Variants in OCA2 observed in about 807,000 individuals in gnomAD.
OCA2 encodes the protein OCA2 melanosomal transmembrane protein, also known as P protein.
OCA2 carries 77 observed loss-of-function variants against 100.2 expected under a neutral mutation model. The ratio of observed to expected loss-of-function variants is 0.77; its 90% confidence interval spans 0.64 to 0.93. The LOEUF (loss-of-function observed/expected upper bound fraction) is 0.93, where lower values mean the gene tolerates loss of function less well. OCA2 is among the 40% of genes least tolerant of loss of function. The pLI, the probability that OCA2 is intolerant of heterozygous loss-of-function variation, is 0.00. For missense variants in OCA2, 1,062 were observed against 1,089.1 expected (o/e 0.98, Z 0.35); for synonymous variants, 432 against 439.2 (o/e 0.98, Z 0.21).
chr15:28,021,805 A>G (rs1377454524), intron 6 of OCA2, among the ~76,000 whole-genome samples: 1 of 152,160 alleles, frequency 6.6e-6, no homozygotes, highest in Non-Finnish European at 1.5e-5. Flanking sequence ...ATGAGAAGGT[A>G]GGAGGGGAAA....
At chr15:28,001,048 C>A (rs2041909018) in intron 9 of OCA2, among the ~76,000 whole-genome samples, 1 of 152,084 alleles carries the variant, frequency 6.6e-6, no homozygotes, top group Non-Finnish European at 1.5e-5. Flanking sequence ...CAATATAGAA[C>A]TTTCACCAAA....
intron 19 of OCA2, among the ~76,000 whole-genome samples, chr15:27,904,035 A>G (rs1239131901): frequency 6.6e-6 from 1 of 152,208 alleles, no homozygotes; most frequent in Non-Finnish European, 1.5e-5. Flanking sequence ...TACATTTAAC[A>G]TGATGCCTGC....
At chr15:27,753,029 G>T (rs1595354922), downstream of OCA2, among the ~76,000 whole-genome samples, 1 of 152,102 alleles carries the variant, frequency 6.6e-6, no homozygotes, top group East Asian at 1.9e-4. Context: ...CATCCCTGTG[G>T]GATGATTCAC....
At chr15:27,741,793 A>G in the OCA2 span, among the ~76,000 whole-genome samples, 1 of 152,368 alleles carries the variant, frequency 6.6e-6, no homozygotes, top group South Asian at 2.1e-4. Flanking sequence ...GAGCTCAAGG[A>G]AAGTGTAACA....
At chr15:27,939,040 C>G (rs1040000134) in intron 18 of OCA2, among the ~76,000 whole-genome samples, 1 of 152,188 alleles carries the variant, frequency 6.6e-6, no homozygotes, top group Non-Finnish European at 1.5e-5. Context: ...CCAACCAGAG[C>G]TTAACTGAAC....
chr15:27,770,142 CA>C (rs1161733247), intron 23 of OCA2, among the ~76,000 whole-genome samples: 5 of 152,226 alleles, frequency 3.3e-5, no homozygotes, highest in Admixed American at 6.5e-5. Flanking sequence ...GGTTCCATAA[CA>C]AAGTCTCGGT....
chr15:27,876,839 C>T (rs2036812612), intron 19 of OCA2, among the ~76,000 whole-genome samples: 1 of 151,712 alleles, frequency 6.6e-6, no homozygotes, highest in African/African-American at 2.4e-5. Flanking sequence ...TTTCAAAGAA[C>T]CAGCTTTTTG....
At chr15:27,918,816 C>T (rs2038761320) in intron 19 of OCA2, among the ~76,000 whole-genome samples, 1 of 152,104 alleles carries the variant, frequency 6.6e-6, no homozygotes, top group Admixed American at 6.5e-5. Flanking sequence ...GATGAAACTG[C>T]CTGATACTTA....
intron 23 of OCA2, among the ~76,000 whole-genome samples, chr15:27,779,380 G>A (rs766725588): frequency 2.0e-4 from 31 of 152,114 alleles, no homozygotes; most frequent in Non-Finnish European, 4.0e-4. Flanking sequence ...CTACTATTAA[G>A]TATTGCTGTC....
intron 9 of OCA2, among the ~76,000 whole-genome samples, chr15:28,011,808 C>G (rs1430268091): frequency 6.6e-6 from 1 of 151,776 alleles, no homozygotes; most frequent in Non-Finnish European, 1.5e-5. Context: ...GTTTTAGCTA[C>G]TTGGGAGGCT....
intron 23 of OCA2, among the ~76,000 whole-genome samples, chr15:27,764,842 G>A (rs2031127706): frequency 6.6e-6 from 1 of 152,180 alleles, no homozygotes; most frequent in South Asian, 2.1e-4. Flanking sequence ...ATAGAGTAAA[G>A]CAAAAGCAAG....
At chr15:28,054,659 T>C (rs2043632117) in intron 2 of OCA2, among the ~76,000 whole-genome samples, 1 of 152,226 alleles carries the variant, frequency 6.6e-6, no homozygotes, top group Non-Finnish European at 1.5e-5. Flanking sequence ...CTTACATTAT[T>C]GTTACTTACA....
chr15:28,090,651 G>C (rs1303177031), intron 1 of OCA2, among the ~76,000 whole-genome samples: 1 of 152,158 alleles, frequency 6.6e-6, no homozygotes, highest in Non-Finnish European at 1.5e-5. Context: ...GAATGAAAGT[G>C]AAAATATAAC....
rs144623212 is a variant in OCA2 at position 27,903,188 on chromosome 15, G to A, written c.2079+22939C>T. ...CAGTAAACTCCACCTTTGTGTCGCC[G>A]GCGCCGTGAACCCTCAAAGCAGGCT... On this transcript the variant is annotated intron_variant, in intron 19 of 23. Transcript: ENST00000354638. Among the ~76,000 whole-genome samples the A allele has an allele frequency of 2.2e-3, 335 of 152,350 alleles. 1 individual carries two copies. Among genetic ancestry groups the A allele is most frequent in the African/African-American group, 7.4e-3 (308 of 41,592 alleles).
chr15:28,040,277 A>G (rs1260609200), intron 2 of OCA2, among the ~76,000 whole-genome samples: 1 of 152,202 alleles, frequency 6.6e-6, no homozygotes, highest in Non-Finnish European at 1.5e-5. Flanking sequence ...TGTGATGGCA[A>G]TTCTAGCAAA....
At chr15:27,743,004 T>C in the OCA2 span, among the ~76,000 whole-genome samples, 28,038 of 152,238 alleles carry the variant, frequency 0.18, 3,412 homozygotes, top group East Asian at 0.63. Context: ...GTTTTTAATT[T>C]ATCCATGGCA....
At chr15:27,995,729 T>C (rs1376122970) in intron 9 of OCA2, among the ~76,000 whole-genome samples, 3 of 152,110 alleles carry the variant, frequency 2.0e-5, no homozygotes, top group African/African-American at 4.8e-5. Flanking sequence ...TCAAGTATAT[T>C]TTCCGAACAC....
chr15:27,907,124 G>A (rs935892194), intron 19 of OCA2, among the ~76,000 whole-genome samples: 2 of 152,130 alleles, frequency 1.3e-5, no homozygotes, highest in African/African-American at 4.8e-5. Flanking sequence ...AAGGTTTGAA[G>A]GGGACAAATA....
chr15:27,834,151 A>G (rs1428275239), intron 23 of OCA2, among the ~76,000 whole-genome samples: 1 of 152,180 alleles, frequency 6.6e-6, no homozygotes, highest in African/African-American at 2.4e-5. Context: ...CCGTCCCCAC[A>G]CCAATCCTCA....
Sources: gnomAD v4.1 joint callset for allele counts (sites outside exome capture counted in the v4.1 genomes callset) on GRCh38, gnomAD v4.1.1 for gene constraint, MANE v1.5 for transcripts, NCBI Gene and HGNC (gene_info 2026-07-23, HGNC 2026-07-21) for gene names.